The following HTR4 variants were observed in gnomAD, a reference collection of about 807,000 sequenced individuals.
The protein encoded by HTR4 is 5-hydroxytryptamine (serotonin) receptor 4, G protein-coupled.
HTR4 carries 16 observed loss-of-function variants against 36.8 expected under a neutral mutation model. That is an observed-to-expected ratio of 0.43 (90% CI 0.29 to 0.66). The LOEUF is 0.66. HTR4 is among the 30% of genes least tolerant of loss of function. HTR4 has a pLI of 0.13. For synonymous variants in HTR4, 189 were observed against 185.1 expected (o/e 1.02, Z -0.17); for missense variants, 438 against 490.9 (o/e 0.89, Z 1.02).
chr5:148,485,529 G>A (rs1398471523), intron 6 of HTR4, among the ~76,000 whole-genome samples: 1 of 152,216 alleles, frequency 6.6e-6, no homozygotes, highest in Non-Finnish European at 1.5e-5. Flanking sequence ...CCACCTGTGA[G>A]AAACCTGCAG....
intron 2 of HTR4, among the ~76,000 whole-genome samples, chr5:148,568,563 A>C (rs535835402): frequency 2.6e-5 from 4 of 152,124 alleles, no homozygotes; most frequent in Non-Finnish European, 5.9e-5. Context: ...CATGAGCTTA[A>C]CTAAAGACAC....
chr5:148,549,610 G>A (rs1581462071), intron 3 of HTR4, among the ~76,000 whole-genome samples: 2 of 152,132 alleles, frequency 1.3e-5, no homozygotes, highest in South Asian at 2.1e-4. Flanking sequence ...TACAATACAG[G>A]ATGCCTGATT....
intron 2 of HTR4, among the ~76,000 whole-genome samples, chr5:148,562,861 C>A (rs1176538769): frequency 6.6e-6 from 1 of 152,144 alleles, no homozygotes; most frequent in Non-Finnish European, 1.5e-5. Context: ...CTGATCCCAA[C>A]CCTTTACCAG....
intron 4 of HTR4, among the ~76,000 whole-genome samples, chr5:148,537,015 G>T (rs1476448863): frequency 6.6e-6 from 1 of 152,018 alleles, no homozygotes; most frequent in African/African-American, 2.4e-5. Context: ...AAATGCAAAA[G>T]AACTAAAATC....
rs191312596 is a variant in HTR4, at chr5:148,609,263, T to C, written c.26+27726A>G. Among the ~76,000 whole-genome samples the C allele has an allele frequency of 3.5e-4, 53 of 152,302 alleles. No individual in the cohort carries two copies. The East Asian group carries it at 6.4e-3, about 18-fold the overall frequency. ...GAATATTACCGGCAATTTTGTTCAG[T>C]GTTCCACTGATTGATCACATGCCCC... On this transcript the variant is annotated intron_variant, in intron 2 of 6. Transcript: ENST00000377888.
intron 6 of HTR4, among the ~76,000 whole-genome samples, chr5:148,488,195 A>G (rs1283302699): frequency 6.6e-6 from 1 of 152,226 alleles, no homozygotes; most frequent in East Asian, 1.9e-4. Flanking sequence ...TAAGGCTAGA[A>G]GATCAAGTGT....
At chr5:148,491,101 G>A (rs1310934889) in intron 6 of HTR4, among the ~76,000 whole-genome samples, 1 of 152,084 alleles carries the variant, frequency 6.6e-6, no homozygotes, top group Non-Finnish European at 1.5e-5. Flanking sequence ...TTTTCCAATG[G>A]GTATCTCAGT....
At chr5:148,566,320 CT>C (rs1760441399) in intron 2 of HTR4, among the ~76,000 whole-genome samples, 1 of 152,000 alleles carries the variant, frequency 6.6e-6, no homozygotes. Flanking sequence ...AATTTGTGAC[CT>C]TTTTTAAAAA....
chr5:148,518,237 ATCTCC>A (rs1266950978), intron 5 of HTR4, among the ~76,000 whole-genome samples: 3 of 151,910 alleles, frequency 2.0e-5, no homozygotes, highest in Non-Finnish European at 4.4e-5. Context: ...CTTATTTTTA[ATCTCC>A]TCTACTTATT....
At chr5:148,466,298 G>A (rs1755427152) in intron 5 of HTR4, among the ~76,000 whole-genome samples, 1 of 152,054 alleles carries the variant, frequency 6.6e-6, no homozygotes, top group Non-Finnish European at 1.5e-5. Context: ...AAATATAGTT[G>A]AATATATATG....
chr5:148,610,477 CA>C (rs1413060605), intron 2 of HTR4, among the ~76,000 whole-genome samples: 1 of 151,794 alleles, frequency 6.6e-6, no homozygotes, highest in Non-Finnish European at 1.5e-5. Flanking sequence ...CTGTCTGCTA[CA>C]AGGAAAACTA....
chr5:148,548,570 A>G (rs1759503583), intron 4 of HTR4, 98 bp downstream of exon 4: 6 of 1,006,258 alleles, frequency 6.0e-6, no homozygotes, highest in Admixed American at 4.5e-5. Flanking sequence ...TCTGAGATTC[A>G]TTTCTTCTAA....
chr5:148,551,543 A>G (rs1474427193), intron 2 of HTR4, among the ~76,000 whole-genome samples: 1 of 152,208 alleles, frequency 6.6e-6, no homozygotes, highest in African/African-American at 2.4e-5. Context: ...TGAAAGCATG[A>G]TATCTGCAGA....
At position 148,509,745 on chromosome 5, in the gene HTR4, T is replaced by C; in HGVS notation, c.787A>G (p.Ile263Val). 1 of 1,614,096 alleles carries C rather than the reference T, an allele frequency of 6.2e-7. No homozygotes were observed. Among genetic ancestry groups the C allele is most frequent in the Non-Finnish European group, 8.5e-7 (1 of 1,180,010 alleles). The change falls in exon 6 of 7, where the codon ATC (isoleucine) becomes GTC (valine). Residue 263 changes from isoleucine to valine, a missense_variant. Physicochemically the swap from Ile to Val is conservative, Grantham distance 29. Coordinates refer to ENST00000377888, the MANE Select transcript of HTR4 (RefSeq NM_000870.7). ...CAGAGGCAGAAGCAACCCATGATGA[T>C]GCACAGGGTCTTGGCTGCTTTGGTC... ...TETKAAKTLC[I>V]IMGCFCLCWA... is the part of the protein sequence containing the mutation.
At chr5:148,514,113 T>G (rs1193246855) in intron 5 of HTR4, among the ~76,000 whole-genome samples, 1 of 152,182 alleles carries the variant, frequency 6.6e-6, no homozygotes, top group East Asian at 1.9e-4. Context: ...CTTGCTTTAT[T>G]GAGCTTGATA....
chr5:148,564,938 T>A (rs1473438502), intron 2 of HTR4, among the ~76,000 whole-genome samples: 1 of 151,794 alleles, frequency 6.6e-6, no homozygotes, highest in African/African-American at 2.4e-5. Context: ...GGTGAAACCC[T>A]GTCTCTGCTA....
At chr5:148,608,032 G>T (rs1752253964) in intron 2 of HTR4, among the ~76,000 whole-genome samples, 1 of 152,122 alleles carries the variant, frequency 6.6e-6, no homozygotes, top group Non-Finnish European at 1.5e-5. Context: ...CCTTGCTCTG[G>T]ACTATCTAAC....
chr5:148,552,849 T>C (rs796405917), intron 2 of HTR4, among the ~76,000 whole-genome samples: 17 of 152,352 alleles, frequency 1.1e-4, no homozygotes, highest in East Asian at 5.8e-4. Context: ...ATGTAGATGA[T>C]GCATTACATA....
downstream of HTR4, among the ~76,000 whole-genome samples, chr5:148,476,142 A>G (rs558988820): frequency 3.2e-4 from 49 of 152,228 alleles, no homozygotes; most frequent in South Asian, 7.2e-3. Flanking sequence ...GCTTTGTTAC[A>G]CTCTAGCCTG....
Sources: allele counts gnomAD v4.1 joint callset (sites outside exome capture counted in the v4.1 genomes callset), GRCh38; gene constraint gnomAD v4.1.1; transcripts MANE v1.5; gene names NCBI Gene and HGNC (gene_info 2026-07-23, HGNC 2026-07-21).